Variants in CHSY1 observed in about 807,000 individuals in gnomAD.
CHSY1 encodes the protein N-acetylgalactosaminyl-proteoglycan 3-beta-glucuronosyltransferase 1.
CHSY1 carries 13 observed loss-of-function variants against 59.8 expected under a neutral mutation model. The observed-to-expected ratio is 0.22, with a 90% CI of 0.14 to 0.35. The LOEUF (loss-of-function observed/expected upper bound fraction) is 0.35, where lower values mean the gene tolerates loss of function less well. CHSY1 is among the 10% of genes least tolerant of loss of function. The pLI is 1.00. For missense variants in CHSY1, 947 were observed against 1,030.6 expected (o/e 0.92, Z 1.11); for synonymous variants, 459 against 401.2 (o/e 1.14, Z -1.72).
rs762577768 is a variant in CHSY1, at chr15:101,177,987, C to A, written c.1810G>T (p.Val604Leu). Reference sequence around the variant, plus strand: ...AGGGCTCTTGAAAACTCTCCAGACACAGGCAAAATCTGCATGTCGGCTTTA... The same window carrying A: ...AGGGCTCTTGAAAACTCTCCAGACAAAGGCAAAATCTGCATGTCGGCTTTA... The part of the protein sequence containing the change: ...YPKADMQILP[V>L]SGEFSRALAL... The change falls in exon 3 of 3, where the codon GTG becomes TTG. Residue 604 changes from valine to leucine, a missense_variant. Val to Leu is a conservative substitution (Grantham distance 32). Around this residue, in one of 4 missense-constraint regions of CHSY1, gnomAD observed 602 missense variants for 676.9 expected, o/e 0.89. Transcript: ENST00000254190. 1.2e-6 allele frequency: 2 copies of A among 1,614,202 alleles called. No individual in the cohort carries two copies. Among genetic ancestry groups the A allele is most frequent in the Non-Finnish European group, 1.7e-6 (2 of 1,180,046 alleles).
chr15:101,178,854 G>A lies in CHSY1; in HGVS notation c.943C>T (p.Leu315Phe). The A allele has an allele frequency of 6.2e-7, 1 of 1,614,200 alleles. No individual in the cohort carries two copies. The highest frequency in any genetic ancestry group is 2.2e-5 in the East Asian group (1 of 44,884). The change falls in exon 3 of 3, where the codon CTC becomes TTC. Residue 315 changes from leucine (L) to phenylalanine (F), a missense_variant. Transcript: ENST00000254190. ...TTGCGGCTCAGCATGTAGCTGTGGA[G>A]CCTGTACTGGTAGGGTGGGTTTTTG... ...PNKNPPYQYR[L>F]HSYMLSRKIS...
At chr15:101,203,060 G>C (rs2038589441) in intron 2 of CHSY1, among the ~76,000 whole-genome samples, 1 of 152,164 alleles carries the variant, frequency 6.6e-6, no homozygotes, top group South Asian at 2.1e-4. Context: ...TTCAGTAACG[G>C]CTATTTTCAA....
chr15:101,246,494 A>G (rs1757338863), intron 1 of CHSY1, among the ~76,000 whole-genome samples: 1 of 152,234 alleles, frequency 6.6e-6, no homozygotes, highest in Non-Finnish European at 1.5e-5. Flanking sequence ...ACCGGATATT[A>G]AAATATTATT....
rs182282569 is a variant in CHSY1, at chr15:101,244,196, G to A, written c.320+6941C>T. Among the ~76,000 whole-genome samples, 83 of 152,280 alleles carry A rather than the reference G, an allele frequency of 5.5e-4. 1 individual carries two copies. Among genetic ancestry groups the A allele is most frequent in the African/African-American group, 1.9e-3 (79 of 41,556 alleles). Reference sequence around the variant, plus strand: ...GTTCACCCAATGCCATCCGGAACCAGAAGCCAAAAAGGCCTCAACAACAGG... The same window carrying A: ...GTTCACCCAATGCCATCCGGAACCAAAAGCCAAAAAGGCCTCAACAACAGG... On this transcript the variant is annotated intron_variant, in intron 1 of 2. Coordinates refer to ENST00000254190, the MANE Select transcript of CHSY1 (RefSeq NM_014918.5).
intron 2 of CHSY1, among the ~76,000 whole-genome samples, chr15:101,195,719 G>C (rs2038497475): frequency 6.6e-6 from 1 of 151,922 alleles, no homozygotes. Context: ...TAGCTACTCA[G>C]GAGGCTGAGG....
intron 2 of CHSY1, among the ~76,000 whole-genome samples, chr15:101,179,281 A>C (rs1247745353): frequency 6.6e-6 from 1 of 152,202 alleles, no homozygotes; most frequent in African/African-American, 2.4e-5. Flanking sequence ...GCACCACAGG[A>C]GCATGCCTGA....
intron 2 of CHSY1, among the ~76,000 whole-genome samples, chr15:101,213,604 C>G (rs1257675356): frequency 6.6e-6 from 1 of 152,170 alleles, no homozygotes; most frequent in South Asian, 2.1e-4. Context: ...TCCTGTTTAT[C>G]AAATGTATTC....
At chr15:101,185,627 T>G (rs1185039849) in intron 2 of CHSY1, among the ~76,000 whole-genome samples, 5 of 150,946 alleles carry the variant, frequency 3.3e-5, no homozygotes, top group Non-Finnish European at 7.4e-5. Context: ...CTGGATGGAA[T>G]CTTTGCCTCT....
chr15:101,249,888 G>A (rs1165461695), intron 1 of CHSY1, among the ~76,000 whole-genome samples: 1 of 152,196 alleles, frequency 6.6e-6, no homozygotes. Context: ...GGCGGAATGT[G>A]GGTTCTGGAC....
intron 1 of CHSY1, among the ~76,000 whole-genome samples, chr15:101,247,346 A>T (rs2039061857): frequency 6.6e-6 from 1 of 151,850 alleles, no homozygotes; most frequent in African/African-American, 2.4e-5. Flanking sequence ...CCCAAATGGC[A>T]CTCTCTCCAA....
intron 1 of CHSY1, among the ~76,000 whole-genome samples, chr15:101,246,257 C>G (rs886954141): frequency 2.6e-5 from 4 of 152,110 alleles, no homozygotes; most frequent in Non-Finnish European, 4.4e-5. Flanking sequence ...TATTCCCCAT[C>G]TTCAGCCCAG....
intron 2 of CHSY1, among the ~76,000 whole-genome samples, chr15:101,196,136 C>T (rs2038504409): frequency 6.6e-6 from 1 of 150,720 alleles, no homozygotes; most frequent in South Asian, 2.1e-4. Context: ...GTAATTCCAG[C>T]TGAGGCGGAA....
intron 2 of CHSY1, among the ~76,000 whole-genome samples, chr15:101,225,274 C>T (rs1180881814): frequency 1.3e-5 from 2 of 152,002 alleles, no homozygotes; most frequent in East Asian, 3.8e-4. Flanking sequence ...TACTATGTTG[C>T]CCAGGCTGGT....
intron 2 of CHSY1, among the ~76,000 whole-genome samples, chr15:101,215,842 T>G (rs1469830879): frequency 6.6e-6 from 1 of 152,224 alleles, no homozygotes; most frequent in African/African-American, 2.4e-5. Flanking sequence ...ACATGGAATG[T>G]GATAATCTTC....
At chr15:101,227,990 CAA>C (rs879650120) in intron 2 of CHSY1, among the ~76,000 whole-genome samples, 1 of 138,592 alleles carries the variant, frequency 7.2e-6, no homozygotes, top group African/African-American at 2.7e-5. Context: ...GTCTAGTTTC[CAA>C]AAAAAAAAAA....
At chr15:101,181,718 G>C (rs184733775) in intron 2 of CHSY1, among the ~76,000 whole-genome samples, 26 of 152,324 alleles carry the variant, frequency 1.7e-4, no homozygotes, top group African/African-American at 6.0e-4. Flanking sequence ...ACTTATGGCT[G>C]AACAGGAGTG....
chr15:101,225,479 T>A (rs759805522), intron 2 of CHSY1, among the ~76,000 whole-genome samples: 6 of 152,200 alleles, frequency 3.9e-5, no homozygotes, highest in Non-Finnish European at 7.3e-5. Context: ...ATCTCCAGTG[T>A]TGGAGGTGGG....
intron 2 of CHSY1, among the ~76,000 whole-genome samples, chr15:101,204,795 T>C: frequency 6.6e-6 from 1 of 152,066 alleles, no homozygotes; most frequent in Non-Finnish European, 1.5e-5. Context: ...ATCCCAGCTG[T>C]TCAGGAGGCT....
At chr15:101,181,356 T>C (rs1459177806) in intron 2 of CHSY1, among the ~76,000 whole-genome samples, 1 of 152,252 alleles carries the variant, frequency 6.6e-6, no homozygotes, top group Non-Finnish European at 1.5e-5. Context: ...ATAAATTGTT[T>C]CCATTTCATC....
Sources: allele counts gnomAD v4.1 joint callset (sites outside exome capture counted in the v4.1 genomes callset), GRCh38; gene constraint gnomAD v4.1.1; regional missense constraint gnomAD v4.1.1; transcripts MANE v1.5; gene names NCBI Gene and HGNC (gene_info 2026-07-23, HGNC 2026-07-21).